The following CDH13 variants were observed in gnomAD, a reference collection of about 807,000 sequenced individuals.
CDH13 encodes cadherin-13.
CDH13 carries 24 observed loss-of-function variants against 63.8 expected under a neutral mutation model. That is an observed-to-expected ratio of 0.38 (90% CI 0.27 to 0.53). The LOEUF is 0.53. Ranked by LOEUF, CDH13 falls within the 20% of genes least tolerant of loss-of-function variation. The probability of loss-of-function intolerance (pLI) is 0.85; values close to 1 mark genes in which losing one functional copy is unlikely to be tolerated. For missense variants in CDH13, 1,049 were observed against 903.1 expected, an observed-to-expected ratio of 1.16 and a Z score of -2.07; for synonymous variants, 503 against 355.3, an observed-to-expected ratio of 1.42 and a Z score of -4.67.
intron 6 of CDH13, among the ~76,000 whole-genome samples, chr16:83,481,417 G>A (rs1029539164): frequency 6.6e-5 from 10 of 152,146 alleles, no homozygotes; most frequent in South Asian, 2.1e-4. Flanking sequence ...AAAACCCCCC[G>A]TCACTCTCAG....
intron 7 of CDH13, among the ~76,000 whole-genome samples, chr16:83,493,598 G>T (rs2074069993): frequency 6.6e-6 from 1 of 152,136 alleles, no homozygotes; most frequent in Non-Finnish European, 1.5e-5. Flanking sequence ...CAAAGGCATG[G>T]CATATTCACA....
chr16:83,522,704 G>A (rs1598214251), intron 7 of CDH13, among the ~76,000 whole-genome samples: 1 of 152,162 alleles, frequency 6.6e-6, no homozygotes, highest in South Asian at 2.1e-4. Flanking sequence ...ACATCCCTGG[G>A]CCCTGTCGGG....
chr16:83,778,768 C>A (rs1252776338), intron 11 of CDH13, among the ~76,000 whole-genome samples: 1 of 152,154 alleles, frequency 6.6e-6, no homozygotes, highest in Non-Finnish European at 1.5e-5. Context: ...CCAGCAGGGT[C>A]AGCCATCCCA....
chr16:82,797,184 A>T (rs899110112), intron 1 of CDH13, among the ~76,000 whole-genome samples: 3 of 152,124 alleles, frequency 2.0e-5, no homozygotes, highest in Non-Finnish European at 4.4e-5. Flanking sequence ...CAGTGTGGGG[A>T]GGAATGGTGA....
At chr16:82,936,313 T>G (rs908931494) in intron 2 of CDH13, among the ~76,000 whole-genome samples, 2 of 152,210 alleles carry the variant, frequency 1.3e-5, no homozygotes, top group Admixed American at 1.3e-4. Context: ...CCTTACCATC[T>G]GCCTGTGTAA....
intron 6 of CDH13, among the ~76,000 whole-genome samples, chr16:83,374,667 C>A (rs1040984461): frequency 1.3e-5 from 2 of 152,184 alleles, no homozygotes; most frequent in Non-Finnish European, 2.9e-5. Context: ...AAGTACCTTG[C>A]GCTGTGTGTT....
At chr16:83,704,334 A>G (rs1262351446) in intron 10 of CDH13, among the ~76,000 whole-genome samples, 1 of 152,158 alleles carries the variant, frequency 6.6e-6, no homozygotes, top group Non-Finnish European at 1.5e-5. Flanking sequence ...AAATGCACTC[A>G]TGTTCTCATT....
intron 8 of CDH13, among the ~76,000 whole-genome samples, chr16:83,616,376 C>A (rs16961021): frequency 6.6e-5 from 10 of 151,722 alleles, no homozygotes; most frequent in African/African-American, 1.5e-4. Context: ...TGTGTTGATC[C>A]CCATCATCCC....
chr16:83,351,633 C>T (rs1358926492), intron 6 of CDH13, among the ~76,000 whole-genome samples: 1 of 152,184 alleles, frequency 6.6e-6, no homozygotes, highest in Non-Finnish European at 1.5e-5. Context: ...AATTTCCTAT[C>T]GATTTAAGTT....
chr16:83,687,076 G>A lies in CDH13; in HGVS notation c.1538+8615G>A, dbSNP rs954783956. ...AATACAAAAAAAGTTAGCCAGGCAT[G>A]GTGGTGCTTGCCTGTAGTCCCAGCT... is the stretch of plus-strand genomic sequence containing the variant. On this transcript the variant is annotated intron_variant, in intron 10 of 13. Transcript: ENST00000567109. Among the ~76,000 whole-genome samples the A allele has an allele frequency of 2.6e-5, 4 of 152,134 alleles. No homozygotes were observed. In the East Asian group the frequency reaches 5.8e-4, roughly 22 times the overall value.
In CDH13 at chr16:83,799,378, G is replaced by C. The variant is rs1414383280; in HGVS notation, c.*4348G>C. The C allele has an allele frequency of 6.6e-6, 1 of 152,018 alleles. No individual in the cohort carries two copies. Among genetic ancestry groups the C allele is most frequent in the East Asian group, 1.9e-4 (1 of 5,198 alleles). 9.4% of individuals were successfully genotyped at this position (152,018 alleles called of 1,614,324 possible). A position where few individuals can be genotyped will look rare whatever the true frequency, so the allele number is the denominator to read the frequency against. ...CCCATTCACTACCAAACCAACTGAG[G>C]GGAGAGAAAACTGAGGGAGAAAGTG... is the stretch of plus-strand genomic sequence containing the variant. On this transcript the variant is annotated 3_prime_UTR_variant, in exon 14 of 14. Transcript: ENST00000567109.
At chr16:83,296,140 A>C (rs2089591313) in intron 5 of CDH13, among the ~76,000 whole-genome samples, 1 of 152,178 alleles carries the variant, frequency 6.6e-6, no homozygotes, top group Non-Finnish European at 1.5e-5. Flanking sequence ...CTTTTCTCAG[A>C]GAACATGTGT....
At chr16:83,335,352 A>G (rs971284149) in intron 5 of CDH13, among the ~76,000 whole-genome samples, 6 of 151,330 alleles carry the variant, frequency 4.0e-5, no homozygotes, top group Non-Finnish European at 8.8e-5. Flanking sequence ...AAATGCTGGC[A>G]TGTTATTTTT....
intron 1 of CDH13, among the ~76,000 whole-genome samples, chr16:82,763,158 C>T (rs946525684): frequency 2.0e-5 from 3 of 152,130 alleles, no homozygotes; most frequent in Admixed American, 2.0e-4. Flanking sequence ...TTGACCTGCC[C>T]CACCCAGTAT....
At chr16:83,334,753 G>A (rs552893142) in intron 5 of CDH13, among the ~76,000 whole-genome samples, 3 of 152,290 alleles carry the variant, frequency 2.0e-5, no homozygotes, top group East Asian at 1.9e-4. Flanking sequence ...GAGAGAGTAT[G>A]AGAATTGTAG....
chr16:83,111,291 T>C lies in CDH13; in HGVS notation c.367-14094T>C, dbSNP rs143085202. ...TTTCTATTGATATAATATCATTGGA[T>C]AGTGCCATGATAGAAGAATGTCCCA... is the stretch of plus-strand genomic sequence containing the variant. On this transcript the variant is annotated intron_variant, in intron 3 of 13. Coordinates refer to ENST00000567109, the MANE Select transcript of CDH13 (RefSeq NM_001257.5). Among the ~76,000 whole-genome samples, 609 of 152,260 alleles carry C rather than the reference T, an allele frequency of 4.0e-3. 3 individuals are homozygous for C. Among genetic ancestry groups the C allele is most frequent in the African/African-American group, 0.014 (583 of 41,536 alleles).
intron 7 of CDH13, among the ~76,000 whole-genome samples, chr16:83,534,546 C>G (rs1459807077): frequency 6.6e-6 from 1 of 152,248 alleles, no homozygotes; most frequent in African/African-American, 2.4e-5. Context: ...TGGCTTGACT[C>G]AGGTGATGCC....
intron 2 of CDH13, among the ~76,000 whole-genome samples, chr16:82,951,595 C>T (rs570364540): frequency 3.3e-4 from 51 of 152,268 alleles, no homozygotes; most frequent in African/African-American, 1.2e-3. Context: ...TGTTGAGATG[C>T]CCAAGCAGGA....
intron 3 of CDH13, among the ~76,000 whole-genome samples, chr16:83,108,882 A>C (rs2034917642): frequency 6.6e-6 from 1 of 152,112 alleles, no homozygotes; most frequent in Non-Finnish European, 1.5e-5. Context: ...TGCCCTTCCG[A>C]GTCACAGGTT....
Sources: gnomAD v4.1 joint callset for allele counts (sites outside exome capture counted in the v4.1 genomes callset) on GRCh38, gnomAD v4.1.1 for gene constraint, MANE v1.5 for transcripts, NCBI Gene and HGNC (gene_info 2026-07-23, HGNC 2026-07-21) for gene names.